Variants in UBE2G1 observed in about 807,000 individuals in gnomAD.
UBE2G1 encodes ubiquitin-conjugating enzyme E2 G1.
A neutral mutation model predicts 22.7 loss-of-function variants in UBE2G1; 5 were observed. The observed-to-expected ratio is 0.22, with a 90% confidence interval of 0.12 to 0.46. The LOEUF is 0.46. Ranked by LOEUF, UBE2G1 falls within the 20% of genes least tolerant of loss-of-function variation. The pLI, the probability that UBE2G1 is intolerant of heterozygous loss-of-function variation, is 0.99. For synonymous variants in UBE2G1, 74 were observed against 67.5 expected, an observed-to-expected ratio of 1.10 and a Z score of -0.47; for missense variants, 88 against 203.9, an observed-to-expected ratio of 0.43 and a Z score of 3.46.
At chr17:4,333,299 G>C (rs1237071454) in intron 1 of UBE2G1, among the ~76,000 whole-genome samples, 1 of 152,178 alleles carries the variant, frequency 6.6e-6, no homozygotes, top group Non-Finnish European at 1.5e-5. Flanking sequence ...TGTAAAGAAT[G>C]TGTGTATCTC....
At chr17:4,311,760 C>T (rs1969312811) in intron 1 of UBE2G1, among the ~76,000 whole-genome samples, 1 of 152,168 alleles carries the variant, frequency 6.6e-6, no homozygotes. Flanking sequence ...CTGAGTGGTA[C>T]ACTTTAACAC....
intron 1 of UBE2G1, among the ~76,000 whole-genome samples, chr17:4,359,282 G>A (rs971073898): frequency 6.6e-6 from 1 of 152,064 alleles, no homozygotes; most frequent in Non-Finnish European, 1.5e-5. Flanking sequence ...TAAGGTCTTT[G>A]TTTTTTGTAT....
At chr17:4,342,871 C>T (rs1411573806) in intron 1 of UBE2G1, among the ~76,000 whole-genome samples, 3 of 152,160 alleles carry the variant, frequency 2.0e-5, no homozygotes, top group African/African-American at 7.2e-5. Context: ...CTCCCCTCCA[C>T]ACCCTTTGCT....
chr17:4,366,543 G>T lies in UBE2G1; in HGVS notation c.-227C>A. The stretch of plus-strand genomic sequence containing the variant: ...TCACGCCCGGAAGGGGAGGGTGCCC[G>T]GGCTGCCGCGGCGCGCACTGGGACT... On this transcript the variant is annotated 5_prime_UTR_variant, in exon 1 of 6. Coordinates refer to ENST00000396981, the MANE Select transcript of UBE2G1 (RefSeq NM_003342.5). The T allele has an allele frequency of 2.4e-6, 1 of 415,138 alleles. No individual in the cohort carries two copies. Among genetic ancestry groups the T allele is most frequent in the Non-Finnish European group, 4.2e-6 (1 of 235,792 alleles). The allele number at this position is 415,138 out of a possible 1,614,324, so 25.7% of individuals were successfully genotyped here. A position where few individuals can be genotyped will look rare whatever the true frequency, so the allele number is the denominator to read the frequency against.
intron 5 of UBE2G1, among the ~76,000 whole-genome samples, chr17:4,273,117 G>A (rs928825734): frequency 1.3e-5 from 2 of 152,108 alleles, no homozygotes; most frequent in Admixed American, 1.3e-4. Flanking sequence ...TGTTGGCCTC[G>A]TATCATCCAG....
intron 1 of UBE2G1, among the ~76,000 whole-genome samples, chr17:4,320,576 T>A (rs985368077): frequency 6.6e-6 from 1 of 152,210 alleles, no homozygotes; most frequent in African/African-American, 2.4e-5. Flanking sequence ...GTGGTGGTTG[T>A]TATTACTAAG....
chr17:4,366,067 T>C (rs1420337174), intron 1 of UBE2G1, among the ~76,000 whole-genome samples: 3 of 151,978 alleles, frequency 2.0e-5, no homozygotes, highest in Non-Finnish European at 4.4e-5. Flanking sequence ...GGGCCGGAGC[T>C]GGGTCGCGTC....
chr17:4,311,061 C>CA (rs1302910073), intron 1 of UBE2G1, among the ~76,000 whole-genome samples: 1 of 151,624 alleles, frequency 6.6e-6, no homozygotes, highest in African/African-American at 2.4e-5. Context: ...AAAAAAGAAA[C>CA]AAAAGAGTAC....
intron 4 of UBE2G1, among the ~76,000 whole-genome samples, chr17:4,283,690 C>T (rs1968924121): frequency 6.6e-6 from 1 of 151,058 alleles, no homozygotes; most frequent in Non-Finnish European, 1.5e-5. Context: ...GCCTGACATA[C>T]AAAAATGGAA....
chr17:4,315,719 G>C (rs35466443), intron 1 of UBE2G1, among the ~76,000 whole-genome samples: 13 of 146,996 alleles, frequency 8.8e-5, no homozygotes, highest in Non-Finnish European at 1.8e-4. Context: ...CAGCCTGGGC[G>C]AAAGAGCGAG....
At chr17:4,339,129 G>A (rs1227409830) in intron 1 of UBE2G1, among the ~76,000 whole-genome samples, 1 of 151,880 alleles carries the variant, frequency 6.6e-6, no homozygotes, top group African/African-American at 2.4e-5. Context: ...TTTTCTTTTC[G>A]ACATTAACAT....
chr17:4,284,787 T>C (rs1598179766), intron 4 of UBE2G1, among the ~76,000 whole-genome samples: 2 of 150,986 alleles, frequency 1.3e-5, no homozygotes, highest in South Asian at 2.1e-4. Context: ...TTTGTTTTTT[T>C]CCCCCCGAGA....
intron 4 of UBE2G1, among the ~76,000 whole-genome samples, chr17:4,287,164 C>T (rs542507420): frequency 6.7e-5 from 10 of 149,714 alleles, no homozygotes; most frequent in Non-Finnish European, 5.9e-5. Flanking sequence ...AGTGCAGAGG[C>T]GCAATCTGGG....
chr17:4,325,990 G>C (rs536724291), intron 1 of UBE2G1, among the ~76,000 whole-genome samples: 2 of 152,028 alleles, frequency 1.3e-5, no homozygotes, highest in Middle Eastern at 3.4e-3. Context: ...AAACTTAAAC[G>C]TAAGAGCTAA....
intron 1 of UBE2G1, among the ~76,000 whole-genome samples, chr17:4,336,922 C>T (rs1369447708): frequency 6.6e-6 from 1 of 152,090 alleles, no homozygotes; most frequent in Non-Finnish European, 1.5e-5. Context: ...GTTATAAAAA[C>T]TGATCATCAA....
At chr17:4,365,522 G>C (rs1474684557) in intron 1 of UBE2G1, among the ~76,000 whole-genome samples, 1 of 152,180 alleles carries the variant, frequency 6.6e-6, no homozygotes, top group African/African-American at 2.4e-5. Context: ...CGCAGCTCCG[G>C]GGTTTGCAGG....
At chr17:4,344,722 T>C (rs910020515) in intron 1 of UBE2G1, among the ~76,000 whole-genome samples, 2 of 151,914 alleles carry the variant, frequency 1.3e-5, no homozygotes, top group African/African-American at 4.8e-5. Context: ...GGTGTGGTGG[T>C]GTACCATGTG....
rs534910302 is a variant in UBE2G1, at chr17:4,348,795, A to C, written c.46+17476T>G. On this transcript the variant is annotated intron_variant, in intron 1 of 5. Transcript: ENST00000396981. ...AGAATCACTTGAACCTGGGAGGCAG[A>C]GGTTGCAGTCAGCTGAGATTATGCC... Among the ~76,000 whole-genome samples, 949 of 152,034 alleles carry C rather than the reference A, an allele frequency of 6.2e-3. 12 individuals carry two copies. Among genetic ancestry groups the C allele is most frequent in the African/African-American group, 0.022 (910 of 41,446 alleles).
chr17:4,355,503 G>A (rs1969895582), intron 1 of UBE2G1, among the ~76,000 whole-genome samples: 1 of 148,612 alleles, frequency 6.7e-6, no homozygotes, highest in Non-Finnish European at 1.5e-5. Flanking sequence ...TTAGCCGGTT[G>A]TGGTGGCACA....
Sources: allele counts gnomAD v4.1 joint callset (sites outside exome capture counted in the v4.1 genomes callset), GRCh38; gene constraint gnomAD v4.1.1; transcripts MANE v1.5; gene names NCBI Gene and HGNC (gene_info 2026-07-23, HGNC 2026-07-21).